Variants in KIF26B observed in about 807,000 individuals in gnomAD.
KIF26B encodes kinesin-like protein KIF26B.
KIF26B carries 63 observed loss-of-function variants against 151.2 expected under a neutral mutation model. That is an observed-to-expected ratio of 0.42 (90% CI 0.34 to 0.51). KIF26B has a LOEUF of 0.51. Ranked by LOEUF, KIF26B falls within the 20% of genes least tolerant of loss-of-function variation. KIF26B has a pLI of 0.07. For missense variants in KIF26B, 2,813 were observed against 2,913.6 expected (o/e 0.97, Z 0.79); for synonymous variants, 1,357 against 1,262.1 (o/e 1.08, Z -1.59).
Position 245,155,595 on chromosome 1 carries a change from A to T in KIF26B, c.63+108A>T, listed in dbSNP as rs1432747027. ...CCGGCCCCGAGCTCTCCCCCGCTGC[A>T]GAGGCGCCCCCGGGGCTGGCGGGGT... On this transcript the variant is annotated intron_variant, in intron 1 of 14. Coordinates refer to ENST00000407071, the MANE Select transcript of KIF26B (RefSeq NM_018012.4). The T allele has an allele frequency of 4.1e-6, 4 of 969,016 alleles. No homozygotes were observed. The African/African-American group carries it at 6.9e-5, about 17-fold the overall frequency. 60.0% of individuals were successfully genotyped at this position (969,016 alleles called of 1,614,324 possible).
intron 4 of KIF26B, among the ~76,000 whole-genome samples, chr1:245,479,548 G>A (rs1385353874): frequency 6.6e-6 from 1 of 151,790 alleles, no homozygotes; most frequent in African/African-American, 2.4e-5. Flanking sequence ...AAAGGAGGAG[G>A]AATGGTTGTT....
At chr1:245,431,826 C>T (rs763594874) in intron 4 of KIF26B, among the ~76,000 whole-genome samples, 29 of 152,174 alleles carry the variant, frequency 1.9e-4, no homozygotes, top group Non-Finnish European at 4.1e-4. Flanking sequence ...TAAAATATCG[C>T]TTTCAGTCTC....
At chr1:245,391,806 A>T (rs1673708283) in intron 3 of KIF26B, among the ~76,000 whole-genome samples, 1 of 152,184 alleles carries the variant, frequency 6.6e-6, no homozygotes, top group Admixed American at 6.5e-5. Context: ...AAATAAATGC[A>T]TCTATATTTT....
rs534687626 is a variant in KIF26B, at chr1:245,312,866, G to A, written c.466-53968G>A. On this transcript the variant is annotated intron_variant, in intron 2 of 14. Coordinates refer to ENST00000407071, the MANE Select transcript of KIF26B (RefSeq NM_018012.4). Reference sequence around the variant, plus strand: ...CTGCAAGAGAACAAATTCAAGGGAAGATGGATGGATACTGGCCGGGCGCCG... The same window carrying A: ...CTGCAAGAGAACAAATTCAAGGGAAAATGGATGGATACTGGCCGGGCGCCG... Among the ~76,000 whole-genome samples, 6 of 152,258 alleles carry A rather than the reference G, an allele frequency of 3.9e-5. No individual in the cohort carries two copies. The South Asian group carries it at 1.2e-3, about 32-fold the overall frequency.
intron 2 of KIF26B, among the ~76,000 whole-genome samples, chr1:245,264,027 T>C (rs914391540): frequency 1.3e-5 from 2 of 152,238 alleles, no homozygotes; most frequent in African/African-American, 2.4e-5. Context: ...TAAAGAATTG[T>C]TAAGGCAGAC....
chr1:245,586,461 C>G (rs1023139653), intron 5 of KIF26B, among the ~76,000 whole-genome samples: 3 of 152,202 alleles, frequency 2.0e-5, no homozygotes, highest in Non-Finnish European at 4.4e-5. Flanking sequence ...CTCTGTCCCT[C>G]CAGTGGCCCT....
intron 2 of KIF26B, among the ~76,000 whole-genome samples, chr1:245,287,602 C>A (rs1671188236): frequency 6.7e-6 from 1 of 150,310 alleles, no homozygotes; most frequent in Non-Finnish European, 1.5e-5. Flanking sequence ...CTCCTGGGTT[C>A]AAGTGATGCT....
intron 10 of KIF26B, among the ~76,000 whole-genome samples, chr1:245,679,460 T>TTTTG (rs1558266279): frequency 1.5e-5 from 1 of 66,958 alleles, no homozygotes; most frequent in African/African-American, 6.8e-5. Context: ...TGTGTGTGTT[T>TTTTG]TTTTTTTTTT....
intron 4 of KIF26B, among the ~76,000 whole-genome samples, chr1:245,489,224 A>T (rs1199135224): frequency 1.3e-5 from 2 of 152,192 alleles, no homozygotes; most frequent in Non-Finnish European, 2.9e-5. Flanking sequence ...ACTTATTGAA[A>T]CACCCTAAGG....
rs1348599375 is a variant in KIF26B at position 245,563,242 on chromosome 1, A to G, written c.1350+22292A>G. 1.3e-5 allele frequency among the ~76,000 whole-genome samples: 2 copies of G among 152,068 alleles called. No individual in the cohort carries two copies. Among genetic ancestry groups the G allele is most frequent in the Non-Finnish European group, 2.9e-5 (2 of 67,986 alleles). On this transcript the variant is annotated intron_variant, in intron 5 of 14. Transcript: ENST00000407071. This position sits in a 1 kb window ranked among gnomAD's most constrained non-coding sequence, Gnocchi z 4.6. ...GAACCCATCAGATGTAAAATCCCCC[A>G]TTTTATCACCGAACAACCTGTTTCC...
chr1:245,559,974 CCTGT>C (rs2103115472), intron 5 of KIF26B, among the ~76,000 whole-genome samples: 1 of 152,166 alleles, frequency 6.6e-6, no homozygotes, highest in Admixed American at 6.5e-5. Context: ...CCCGTGCCTC[CCTGT>C]CTGTTCATCT....
chr1:245,536,796 G>T (rs1661495627), intron 4 of KIF26B, among the ~76,000 whole-genome samples: 1 of 152,110 alleles, frequency 6.6e-6, no homozygotes, highest in Non-Finnish European at 1.5e-5. Flanking sequence ...TGTCTTCTGG[G>T]GTCCTCAGTT....
chr1:245,511,857 G>A (rs1660844869), intron 4 of KIF26B, among the ~76,000 whole-genome samples: 1 of 152,128 alleles, frequency 6.6e-6, no homozygotes, highest in South Asian at 2.1e-4. Context: ...GTCACTTGAA[G>A]ACCAAAATCA....
chr1:245,339,366 G>C (rs1257933353), intron 2 of KIF26B, among the ~76,000 whole-genome samples: 1 of 152,118 alleles, frequency 6.6e-6, no homozygotes, highest in Non-Finnish European at 1.5e-5. Context: ...TATTCTGTAC[G>C]GATGTGGCTG....
intron 4 of KIF26B, among the ~76,000 whole-genome samples, chr1:245,480,195 C>G (rs1027399360): frequency 6.7e-6 from 1 of 150,300 alleles, no homozygotes; most frequent in African/African-American, 2.4e-5. Flanking sequence ...GGGAGGATCA[C>G]TTGAGCCTGG....
At chr1:245,640,907 G>A (rs1032279504) in intron 9 of KIF26B, among the ~76,000 whole-genome samples, 8 of 151,992 alleles carry the variant, frequency 5.3e-5, no homozygotes, top group Non-Finnish European at 8.8e-5. Flanking sequence ...TAATAGTTTT[G>A]TCTTTTAATC....
At chr1:245,381,186 G>A (rs748170714) in intron 3 of KIF26B, among the ~76,000 whole-genome samples, 19 of 152,160 alleles carry the variant, frequency 1.2e-4, no homozygotes, top group African/African-American at 3.9e-4. Context: ...GAAAGGACCC[G>A]TGGCCTGAAC....
At chr1:245,364,570 G>A (rs574572488) in intron 2 of KIF26B, among the ~76,000 whole-genome samples, 5 of 151,644 alleles carry the variant, frequency 3.3e-5, no homozygotes, top group Non-Finnish European at 7.4e-5. Flanking sequence ...ACAGGCGCCC[G>A]CCACCACGCC....
rs2043067437 is a variant in KIF26B at position 245,571,695 on chromosome 1, T to G, written c.1350+30745T>G. 2.0e-5 allele frequency among the ~76,000 whole-genome samples: 3 copies of G among 152,214 alleles called. No homozygotes were observed. In the South Asian group the frequency reaches 6.2e-4, roughly 32 times the overall value. ...CAAGCTGTCTGTGTAGACAGTGGAT[T>G]CTGTATTGTCGCTTTTGTTTCTCAA... is the stretch of plus-strand genomic sequence containing the variant. On this transcript the variant is annotated intron_variant, in intron 5 of 14. Transcript: ENST00000407071.
Sources: gnomAD v4.1 joint callset for allele counts (sites outside exome capture counted in the v4.1 genomes callset) on GRCh38, gnomAD v4.1.1 for gene constraint, Gnocchi (gnomAD v3.1) non-coding constraint, MANE v1.5 for transcripts, NCBI Gene and HGNC (gene_info 2026-07-23, HGNC 2026-07-21) for gene names.